POFUT3: variants seen among roughly 807,000 people sequenced by gnomAD.
POFUT3 encodes the protein protein O-fucosyltransferase 3, also known as GDP-fucose protein O-fucosyltransferase 3.
At chr8:33,410,798 G>A in the POFUT3 span, among the ~76,000 whole-genome samples, 2 of 152,260 alleles carry the variant, frequency 1.3e-5, no homozygotes, top group African/African-American at 2.4e-5. Flanking sequence ...GAAGTCAAGT[G>A]CAGAGCTGAG....
chr8:33,324,459 T>C, the POFUT3 span, among the ~76,000 whole-genome samples: 56 of 152,200 alleles, frequency 3.7e-4, no homozygotes, highest in Admixed American at 3.7e-3. Context: ...CAGCCAAAAC[T>C]CACTTCCTAA....
the POFUT3 span, among the ~76,000 whole-genome samples, chr8:33,314,982 A>G: frequency 6.6e-6 from 1 of 152,210 alleles, no homozygotes; most frequent in African/African-American, 2.4e-5. Flanking sequence ...AGATGATTGC[A>G]CAACAATTAT....
chr8:33,393,030 A>G, the POFUT3 span, among the ~76,000 whole-genome samples: 2 of 152,024 alleles, frequency 1.3e-5, no homozygotes, highest in Non-Finnish European at 2.9e-5. Flanking sequence ...AACCTAAACT[A>G]CTTCACTGGG....
the POFUT3 span, among the ~76,000 whole-genome samples, chr8:33,449,179 A>G: frequency 2.6e-5 from 4 of 151,966 alleles, no homozygotes; most frequent in East Asian, 1.9e-4. Context: ...ATGAAATGAC[A>G]TAAAGGACAT....
At chr8:33,354,291 T>C in the POFUT3 span, among the ~76,000 whole-genome samples, 1 of 152,186 alleles carries the variant, frequency 6.6e-6, no homozygotes, top group Non-Finnish European at 1.5e-5. Flanking sequence ...CAAGAAGTCC[T>C]ACCATCTGTT....
chr8:33,456,207 G>T, the POFUT3 span, among the ~76,000 whole-genome samples: 1 of 152,244 alleles, frequency 6.6e-6, no homozygotes, highest in South Asian at 2.1e-4. Flanking sequence ...AAGGCTTTTA[G>T]AAAGCCATAG....
chr8:33,364,033 C>T, the POFUT3 span, among the ~76,000 whole-genome samples: 1 of 152,180 alleles, frequency 6.6e-6, no homozygotes, highest in Non-Finnish European at 1.5e-5. Context: ...AAAACACTGG[C>T]AAACCGAATC....
At chr8:33,335,476 A>T in the POFUT3 span, among the ~76,000 whole-genome samples, 1 of 152,246 alleles carries the variant, frequency 6.6e-6, no homozygotes, top group Non-Finnish European at 1.5e-5. Context: ...ATAAGGCAAC[A>T]GTGAAACAAC....
chr8:33,345,560 C>A, the POFUT3 span, among the ~76,000 whole-genome samples: 1 of 151,796 alleles, frequency 6.6e-6, no homozygotes, highest in Admixed American at 6.6e-5. Flanking sequence ...GCCACCACGC[C>A]CAGCTAATGT....
chr8:33,363,094 T>C, the POFUT3 span, among the ~76,000 whole-genome samples: 2 of 152,082 alleles, frequency 1.3e-5, no homozygotes, highest in African/African-American at 4.8e-5. Flanking sequence ...GCAATCAAAT[T>C]AGAACTCAGG....
chr8:33,334,671 A>T, the POFUT3 span, among the ~76,000 whole-genome samples: 1 of 152,244 alleles, frequency 6.6e-6, no homozygotes. Flanking sequence ...GCTAAACAGA[A>T]GATCTCCGGG....
At chr8:33,389,228 G>A in the POFUT3 span, 5 of 1,614,050 alleles carry the variant, frequency 3.1e-6, no homozygotes, top group East Asian at 1.1e-4. Flanking sequence ...TTTGTTACTT[G>A]GAAGCCAGTC....
chr8:33,361,130 T>C, the POFUT3 span: 3 of 152,232 alleles, frequency 2.0e-5, no homozygotes, highest in East Asian at 1.9e-4. Context: ...TCACCTTTTC[T>C]GAGGCACTGA....
the POFUT3 span, among the ~76,000 whole-genome samples, chr8:33,432,876 A>C: frequency 2.0e-5 from 3 of 152,318 alleles, no homozygotes; most frequent in Admixed American, 2.0e-4. Context: ...AGCTCTTCAA[A>C]GGAAATTTGC....
chr8:33,436,635 G>C, the POFUT3 span: 1 of 876,680 alleles, frequency 1.1e-6, no homozygotes, highest in South Asian at 1.3e-5. Context: ...CATACTGCTA[G>C]AAGAGTGAGC....
the POFUT3 span, among the ~76,000 whole-genome samples, chr8:33,364,788 T>A: frequency 3.9e-5 from 6 of 152,296 alleles, no homozygotes; most frequent in East Asian, 1.2e-3. Context: ...TGGAAGAATA[T>A]TCCATGCTCA....
chr8:33,365,672 T>C, the POFUT3 span, among the ~76,000 whole-genome samples: 2 of 152,136 alleles, frequency 1.3e-5, no homozygotes, highest in African/African-American at 4.8e-5. Context: ...TCATCACTGG[T>C]CATCAGAGAA....
At chr8:33,367,364 C>T in the POFUT3 span, among the ~76,000 whole-genome samples, 3 of 152,212 alleles carry the variant, frequency 2.0e-5, no homozygotes, top group African/African-American at 7.2e-5. Flanking sequence ...ACTACCCCAA[C>T]CTATTCCTTT....
At chr8:33,431,953 C>T in the POFUT3 span, among the ~76,000 whole-genome samples, 1 of 152,052 alleles carries the variant, frequency 6.6e-6, no homozygotes, top group Non-Finnish European at 1.5e-5. Context: ...GGGACCACAC[C>T]ATTATCTCCT....
Sources: gnomAD v4.1 joint callset for allele counts (sites outside exome capture counted in the v4.1 genomes callset) on GRCh38, gnomAD v4.1.1 for gene constraint, MANE v1.5 for transcripts, NCBI Gene and HGNC (gene_info 2026-07-23, HGNC 2026-07-21) for gene names.